Variants in NELL1 observed in about 807,000 individuals in gnomAD.
NELL1 encodes the protein neural EGFL like 1.
Under a neutral mutation model 107.4 loss-of-function variants are expected in NELL1, and 76 were observed. The observed-to-expected ratio is 0.71, with a 90% CI of 0.59 to 0.86. NELL1 has a LOEUF of 0.86. Among genes scored for constraint, NELL1 ranks in the 40% least tolerant of loss-of-function variants. The pLI, the probability that NELL1 is intolerant of heterozygous loss-of-function variation, is 0.00. For synonymous variants in NELL1, 353 were observed against 341.2 expected (o/e 1.03, Z -0.38); for missense variants, 1,024 against 1,005.5 (o/e 1.02, Z -0.25).
intron 14 of NELL1, among the ~76,000 whole-genome samples, chr11:21,298,986 C>A (rs2133969085): frequency 6.6e-6 from 1 of 152,096 alleles, no homozygotes. Flanking sequence ...ACTAGCATTA[C>A]TTGACCATGG....
chr11:21,367,394 G>A (rs1236799145), intron 14 of NELL1, among the ~76,000 whole-genome samples: 1 of 151,872 alleles, frequency 6.6e-6, no homozygotes, highest in Non-Finnish European at 1.5e-5. Context: ...GTTTCTCTGA[G>A]TTTTCAAAGG....
At chr11:20,877,177 T>C (rs774285041) in intron 4 of NELL1, among the ~76,000 whole-genome samples, 1 of 152,190 alleles carries the variant, frequency 6.6e-6, no homozygotes, top group Non-Finnish European at 1.5e-5. Context: ...TAATGCCAGC[T>C]AAAAGGCAGT....
At chr11:21,330,576 G>T (rs142978912) in intron 14 of NELL1, among the ~76,000 whole-genome samples, 85 of 152,060 alleles carry the variant, frequency 5.6e-4, no homozygotes, top group African/African-American at 1.8e-3. Flanking sequence ...ACTGTTTCTG[G>T]TGAGATGTCA....
chr11:20,945,797 C>T (rs1158389970), intron 10 of NELL1, among the ~76,000 whole-genome samples: 4 of 152,152 alleles, frequency 2.6e-5, no homozygotes, highest in Non-Finnish European at 4.4e-5. Flanking sequence ...TTAGATACCA[C>T]CCATCATGGT....
At chr11:20,897,583 A>C (rs76017276) in intron 5 of NELL1, among the ~76,000 whole-genome samples, 2 of 152,150 alleles carry the variant, frequency 1.3e-5, no homozygotes, top group South Asian at 2.1e-4. Flanking sequence ...TAATTAAACT[A>C]AAGAGCTTCT....
intron 15 of NELL1, among the ~76,000 whole-genome samples, chr11:21,445,395 C>T (rs549180139): frequency 2.0e-5 from 3 of 152,018 alleles, no homozygotes; most frequent in Admixed American, 6.5e-5. Flanking sequence ...AGCGTGATCT[C>T]GGCTCACCAC....
Position 21,270,910 on chromosome 11 carries a change from C to G in NELL1, c.1549+41456C>G, listed in dbSNP as rs557674384. 1.2e-4 allele frequency among the ~76,000 whole-genome samples: 18 copies of G among 152,204 alleles called. No individual in the cohort carries two copies. In the South Asian group the frequency reaches 3.7e-3, roughly 31 times the overall value. ...AAATTATTGGGGATTAAACAACACA[C>G]TTTTAAGTAACCTATGGGTCAAAAC... On this transcript the variant is annotated intron_variant, in intron 14 of 19. Coordinates refer to ENST00000357134, the MANE Select transcript of NELL1 (RefSeq NM_006157.5).
chr11:21,011,024 A>G (rs563810517), intron 12 of NELL1, among the ~76,000 whole-genome samples: 2 of 152,188 alleles, frequency 1.3e-5, no homozygotes, highest in East Asian at 3.9e-4. Flanking sequence ...TGGGGGTTTC[A>G]ATGTTCCTGG....
intron 15 of NELL1, among the ~76,000 whole-genome samples, chr11:21,435,106 T>TAA (rs139982218): frequency 0.025 from 3,845 of 152,182 alleles, 156 homozygotes; most frequent in African/African-American, 0.086. Context: ...TTTCTATGTA[T>TAA]AAGATTATGT....
intron 15 of NELL1, among the ~76,000 whole-genome samples, chr11:21,489,735 A>G (rs1312332265): frequency 6.6e-6 from 1 of 152,184 alleles, no homozygotes; most frequent in African/African-American, 2.4e-5. Context: ...ATCATTTGAT[A>G]AAATGTAACA....
intron 14 of NELL1, among the ~76,000 whole-genome samples, chr11:21,345,988 C>T (rs935037244): frequency 1.3e-5 from 2 of 152,178 alleles, no homozygotes; most frequent in South Asian, 2.1e-4. Flanking sequence ...TTCCCAAATA[C>T]ATGATAGCCT....
intron 3 of NELL1, among the ~76,000 whole-genome samples, chr11:20,829,970 G>T (rs958485069): frequency 2.6e-5 from 4 of 152,054 alleles, no homozygotes; most frequent in African/African-American, 9.7e-5. Context: ...TGTAATTAAA[G>T]AAATTAGTAG....
chr11:20,973,129 A>T, intron 12 of NELL1, among the ~76,000 whole-genome samples: 2 of 90,008 alleles, frequency 2.2e-5, no homozygotes, highest in East Asian at 3.7e-4. Flanking sequence ...TTTTTTTGAG[A>T]CAGAGTTTTG....
chr11:21,002,281 G>T (rs960564473), intron 12 of NELL1, among the ~76,000 whole-genome samples: 2 of 57,910 alleles, frequency 3.5e-5, no homozygotes, highest in Admixed American at 1.5e-4. Flanking sequence ...AGCTGAGCAA[G>T]AATATATTAT....
intron 13 of NELL1, 151 bp downstream of exon 13, chr11:21,113,865 C>A: frequency 1.3e-6 from 1 of 791,926 alleles, no homozygotes; most frequent in Non-Finnish European, 1.9e-6. Context: ...GAGAAAAAAG[C>A]AATAATAAAT....
At chr11:21,157,396 C>A (rs1856267511) in intron 13 of NELL1, among the ~76,000 whole-genome samples, 1 of 152,052 alleles carries the variant, frequency 6.6e-6, no homozygotes. Context: ...TTACAACAAG[C>A]ATTGTGTATG....
chr11:21,201,793 T>C (rs1857276100), intron 13 of NELL1, among the ~76,000 whole-genome samples: 1 of 152,210 alleles, frequency 6.6e-6, no homozygotes, highest in Admixed American at 6.5e-5. Context: ...TATTTTGAGA[T>C]ACAGTCTGTC....
intron 3 of NELL1, among the ~76,000 whole-genome samples, chr11:20,838,527 A>G (rs1848570934): frequency 6.6e-6 from 1 of 152,012 alleles, no homozygotes; most frequent in Non-Finnish European, 1.5e-5. Context: ...AGAGTTTATC[A>G]TAAAAAACTT....
At chr11:21,461,471 A>G (rs1390038685) in intron 15 of NELL1, among the ~76,000 whole-genome samples, 2 of 152,112 alleles carry the variant, frequency 1.3e-5, no homozygotes, top group Non-Finnish European at 2.9e-5. Flanking sequence ...TTAAGAAATT[A>G]GAGTGCTGTA....
Sources: gnomAD v4.1 joint callset for allele counts (sites outside exome capture counted in the v4.1 genomes callset) on GRCh38, gnomAD v4.1.1 for gene constraint, MANE v1.5 for transcripts, NCBI Gene and HGNC (gene_info 2026-07-23, HGNC 2026-07-21) for gene names.